The following AHI1 variants were observed in gnomAD, a reference collection of about 807,000 sequenced individuals.
AHI1 encodes Abelson helper integration site 1, also known as jouberin.
A neutral mutation model predicts 149.3 loss-of-function variants in AHI1; 123 were observed. The ratio of observed to expected loss-of-function variants is 0.82; its 90% confidence interval spans 0.71 to 0.96. AHI1 has a LOEUF of 0.96. Ranked by LOEUF, AHI1 falls within the 40% of genes least tolerant of loss-of-function variation. The pLI is 0.00. For synonymous variants in AHI1, 475 were observed against 459.8 expected (o/e 1.03, Z -0.42); for missense variants, 1,439 against 1,422.7 (o/e 1.01, Z -0.18).
intron 26 of AHI1, among the ~76,000 whole-genome samples, chr6:135,315,116 T>C (rs1785749050): frequency 6.6e-6 from 1 of 152,170 alleles, no homozygotes; most frequent in African/African-American, 2.4e-5. Context: ...ATCAGTTTCC[T>C]CTTCATCCTA....
At chr6:135,346,261 C>A (rs1452436148) in intron 24 of AHI1, among the ~76,000 whole-genome samples, 2 of 152,162 alleles carry the variant, frequency 1.3e-5, no homozygotes, top group Non-Finnish European at 2.9e-5. Flanking sequence ...GTGGCGCGAT[C>A]TTGGCTCACT....
At chr6:135,318,087 A>T (rs1207145709) in intron 26 of AHI1, among the ~76,000 whole-genome samples, 1 of 152,222 alleles carries the variant, frequency 6.6e-6, no homozygotes, top group Non-Finnish European at 1.5e-5. Flanking sequence ...ACGTAAAAAC[A>T]TTTTAAATTA....
chr6:135,417,265 T>C (rs890956975), intron 20 of AHI1, among the ~76,000 whole-genome samples: 33 of 152,184 alleles, frequency 2.2e-4, no homozygotes, highest in African/African-American at 7.5e-4. Flanking sequence ...TGACATTTTT[T>C]AACTCCCTAT....
intron 24 of AHI1, among the ~76,000 whole-genome samples, chr6:135,346,350 A>G (rs1791210577): frequency 1.3e-5 from 2 of 152,018 alleles, no homozygotes; most frequent in Admixed American, 1.3e-4. Flanking sequence ...GCTCGCCACC[A>G]TGCCCGGCTA....
chr6:135,326,803 G>A (rs1052268966), intron 24 of AHI1, among the ~76,000 whole-genome samples: 1 of 151,976 alleles, frequency 6.6e-6, no homozygotes, highest in Non-Finnish European at 1.5e-5. Flanking sequence ...CAGGTGATCC[G>A]CCTGCCTTGG....
chr6:135,365,613 TG>T (rs1774059620), intron 23 of AHI1, among the ~76,000 whole-genome samples: 1 of 152,240 alleles, frequency 6.6e-6, no homozygotes, highest in African/African-American at 2.4e-5. Context: ...ATTCTCAGCT[TG>T]GTCACTGTTG....
In AHI1 at chr6:135,465,814, C is replaced by A; in HGVS notation, c.749G>T (p.Ser250Ile). ...TTTACATTTATCAATGCAAAAATACCTTGTTTCAGCTTTAGAGAAGACTGG... is the reference window on the plus strand; with the variant it reads ...TTTACATTTATCAATGCAAAAATACATTGTTTCAGCTTTAGAGAAGACTGG... ...EVPVFSKAET[S>I]TLTISGDTVE... Residue 250 changes from serine to isoleucine, a missense_variant and splice_region_variant, in exon 7 of 29, where the codon AGT becomes ATT. Transcript: ENST00000265602. 6.9e-7 allele frequency: 1 copy of A among 1,440,216 alleles called. No individual in the cohort carries two copies. 89.2% of individuals were successfully genotyped at this position (1,440,216 alleles called of 1,614,324 possible).
chr6:135,408,664 T>C (rs13208941), intron 21 of AHI1, among the ~76,000 whole-genome samples: 1 of 152,136 alleles, frequency 6.6e-6, no homozygotes, highest in Non-Finnish European at 1.5e-5. Flanking sequence ...TAGTTCCTTG[T>C]ATAGTTTAAA....
intron 5 of AHI1, among the ~76,000 whole-genome samples, chr6:135,479,937 C>T (rs995395947): frequency 6.6e-6 from 1 of 152,150 alleles, no homozygotes; most frequent in African/African-American, 2.4e-5. Context: ...TCCCTTTGCT[C>T]ACTCTCTCTC....
At position 135,308,008 on chromosome 6, in the gene AHI1, T is replaced by C. The variant is rs114187782; in HGVS notation, c.3427-7450A>G. On this transcript the variant is annotated intron_variant, in intron 26 of 28. Transcript: ENST00000265602. ...GTTGAGAAACCCTGGAATAGAATGG[T>C]TGACAAAACAAGAGGACAGCAGAGT... Among the ~76,000 whole-genome samples the C allele has an allele frequency of 8.8e-3, 1,334 of 152,158 alleles. 22 individuals are homozygous for C. The highest frequency in any genetic ancestry group is 0.031 in the African/African-American group (1,271 of 41,500).
At chr6:135,311,046 C>T (rs1583637501) in intron 26 of AHI1, among the ~76,000 whole-genome samples, 1 of 152,020 alleles carries the variant, frequency 6.6e-6, no homozygotes, top group Admixed American at 6.6e-5. Flanking sequence ...TCACACTTGT[C>T]ATCGCAGCAC....
chr6:135,321,185 C>T (rs1311860233), intron 25 of AHI1, among the ~76,000 whole-genome samples: 1 of 152,084 alleles, frequency 6.6e-6, no homozygotes, highest in African/African-American at 2.4e-5. Context: ...ACTGCTTGAG[C>T]CCGGGAGGTC....
intron 20 of AHI1, among the ~76,000 whole-genome samples, chr6:135,416,388 A>G (rs1377167590): frequency 6.6e-6 from 1 of 151,988 alleles, no homozygotes; most frequent in East Asian, 1.9e-4. Flanking sequence ...TGCCTGTTTA[A>G]CTGACCCATT....
In AHI1 at chr6:135,290,539, A is replaced by T; in HGVS notation, c.3486-14T>A. 6.2e-7 allele frequency: 1 copy of T among 1,613,594 alleles called. No homozygotes were observed. Among genetic ancestry groups the T allele is most frequent in the South Asian group, 1.1e-5 (1 of 91,068 alleles). ...CTCATTTCAGAACTATAGGAGGGAA[A>T]GATCAGAAACAAGGAGCCAGTAAAA... On this transcript the variant is annotated splice_polypyrimidine_tract_variant and intron_variant, in intron 27 of 28. Coordinates refer to ENST00000265602, the MANE Select transcript of AHI1 (RefSeq NM_001134831.2).
chr6:135,286,420 T>G (rs1294643034), intron 28 of AHI1: 1 of 152,234 alleles, frequency 6.6e-6, no homozygotes, highest in Non-Finnish European at 1.5e-5. Context: ...ACTGTCCTTC[T>G]TCTAAAGAGA....
chr6:135,293,392 CA>C (rs1175955601), intron 27 of AHI1, among the ~76,000 whole-genome samples: 46 of 20,152 alleles, frequency 2.3e-3, no homozygotes, highest in South Asian at 5.2e-3. Context: ...GTTAACAGGG[CA>C]AAAAAAAAAA....
At chr6:135,309,906 C>A (rs185178858) in intron 26 of AHI1, among the ~76,000 whole-genome samples, 1 of 151,934 alleles carries the variant, frequency 6.6e-6, no homozygotes, top group African/African-American at 2.4e-5. Context: ...TCAAATATTA[C>A]AAAAAGTTTA....
At chr6:135,435,979 T>C (rs1427936112) in intron 15 of AHI1, among the ~76,000 whole-genome samples, 2 of 152,118 alleles carry the variant, frequency 1.3e-5, no homozygotes, top group Non-Finnish European at 2.9e-5. Flanking sequence ...TTAAAATATA[T>C]GTAAGAGAAT....
intron 24 of AHI1, among the ~76,000 whole-genome samples, chr6:135,355,888 G>A (rs1792881970): frequency 6.6e-6 from 1 of 151,830 alleles, no homozygotes. Flanking sequence ...AACAGAGCGA[G>A]ACTCTGTCTC....
Sources: gnomAD v4.1 joint callset for allele counts (sites outside exome capture counted in the v4.1 genomes callset) on GRCh38, gnomAD v4.1.1 for gene constraint, MANE v1.5 for transcripts, NCBI Gene and HGNC (gene_info 2026-07-23, HGNC 2026-07-21) for gene names.